ZFHX3: variants seen among roughly 807,000 people sequenced by gnomAD.
The protein encoded by ZFHX3 is zinc finger homeobox 3, also known as zinc finger homeobox protein 3.
Under a neutral mutation model 279.1 loss-of-function variants are expected in ZFHX3, and 42 were observed. The observed-to-expected ratio is 0.15, with a 90% CI of 0.12 to 0.19. The LOEUF is 0.19. Ranked by LOEUF, ZFHX3 falls within the 10% of genes least tolerant of loss-of-function variation. The pLI, the probability that ZFHX3 is intolerant of heterozygous loss-of-function variation, is 1.00. For synonymous variants in ZFHX3, 2,293 were observed against 1,957.8 expected (o/e 1.17, Z -4.52); for missense variants, 4,981 against 4,754.0 (o/e 1.05, Z -1.40).
In ZFHX3 at chr16:73,600,641, C is replaced by T. The variant is rs530896637; in HGVS notation, c.-1547+79539G>A. ...TTCACCATATTAGCCAGAATGGTCT[C>T]GATCTCTTGACCTCGTGATCCGCCC... On this transcript the variant is annotated intron_variant, in intron 2 of 17. Transcript: ENST00000641206. Among the ~76,000 whole-genome samples the T allele has an allele frequency of 9.9e-5, 15 of 152,104 alleles. No individual in the cohort carries two copies. In the East Asian group the frequency reaches 2.5e-3, roughly 26 times the overall value.
At chr16:73,248,602 GTGTA>G (rs757020012) in intron 5 of ZFHX3, among the ~76,000 whole-genome samples, 7 of 150,726 alleles carry the variant, frequency 4.6e-5, no homozygotes, top group African/African-American at 9.8e-5. Context: ...TGTATGTCCT[GTGTA>G]TGTGTCTGTG....
At chr16:73,198,025 C>T (rs1968191332) in intron 5 of ZFHX3, among the ~76,000 whole-genome samples, 4 of 145,352 alleles carry the variant, frequency 2.8e-5, no homozygotes, top group South Asian at 4.4e-4. Context: ...GCAACCTCTG[C>T]CTCCCAGGTT....
chr16:72,960,902 G>T (rs528320968), intron 1 of ZFHX3, among the ~76,000 whole-genome samples: 9 of 152,096 alleles, frequency 5.9e-5, no homozygotes, highest in African/African-American at 2.2e-4. Context: ...AAAACAGAGG[G>T]GCTTCAATCT....
intron 1 of ZFHX3, among the ~76,000 whole-genome samples, chr16:73,724,161 G>C (rs1404564672): frequency 6.6e-6 from 1 of 152,178 alleles, no homozygotes; most frequent in Non-Finnish European, 1.5e-5. Context: ...TTATGAAACA[G>C]GTTGGTGATA....
chr16:72,927,101 G>C (rs1056518642), intron 3 of ZFHX3, among the ~76,000 whole-genome samples: 1 of 152,152 alleles, frequency 6.6e-6, no homozygotes, highest in South Asian at 2.1e-4. Flanking sequence ...TTCACTTTTA[G>C]AATTTGAACA....
chr16:73,200,532 A>G (rs1427407803), intron 5 of ZFHX3, among the ~76,000 whole-genome samples: 1 of 152,232 alleles, frequency 6.6e-6, no homozygotes, highest in Non-Finnish European at 1.5e-5. Context: ...GATCCCTTGA[A>G]GAAGTGTATT....
At chr16:73,139,711 C>T (rs1032912099) in intron 6 of ZFHX3, among the ~76,000 whole-genome samples, 2 of 152,182 alleles carry the variant, frequency 1.3e-5, no homozygotes, top group African/African-American at 4.8e-5. Flanking sequence ...CTACAACAGT[C>T]TAATTTGATA....
At chr16:73,434,806 C>G (rs977362079) in intron 3 of ZFHX3, among the ~76,000 whole-genome samples, 1 of 152,090 alleles carries the variant, frequency 6.6e-6, no homozygotes, top group African/African-American at 2.4e-5. Flanking sequence ...CTAAGTGGGT[C>G]TGACTGAGGT....
intron 3 of ZFHX3, among the ~76,000 whole-genome samples, chr16:72,895,659 A>G (rs1463123712): frequency 6.6e-6 from 1 of 152,128 alleles, no homozygotes. Flanking sequence ...CCGTCTCTAT[A>G]AAAAGAAATA....
chr16:73,663,987 G>A (rs1020331983), intron 2 of ZFHX3, among the ~76,000 whole-genome samples: 1 of 152,194 alleles, frequency 6.6e-6, no homozygotes, highest in African/African-American at 2.4e-5. Flanking sequence ...CACCCATTTA[G>A]AGATGCAGCA....
At chr16:73,618,156 A>G (rs1426217416) in intron 2 of ZFHX3, among the ~76,000 whole-genome samples, 1 of 152,202 alleles carries the variant, frequency 6.6e-6, no homozygotes. Flanking sequence ...AATGATCATT[A>G]TTACAGTATT....
At chr16:73,613,863 G>C (rs1473817312) in intron 2 of ZFHX3, among the ~76,000 whole-genome samples, 1 of 152,184 alleles carries the variant, frequency 6.6e-6, no homozygotes, top group Admixed American at 6.5e-5. Flanking sequence ...GCTGCGGCAG[G>C]GGGAGGGCGC....
chr16:73,672,867 G>A (rs1044935874), intron 2 of ZFHX3, among the ~76,000 whole-genome samples: 3 of 152,010 alleles, frequency 2.0e-5, no homozygotes, highest in South Asian at 2.1e-4. Flanking sequence ...TATTCAAAGC[G>A]ACATTATTTT....
Position 72,783,821 on chromosome 16 carries a change from G to A in ZFHX3, c.*3343C>T, listed in dbSNP as rs3193941. 6.6e-6 allele frequency: 1 copy of A among 151,950 alleles called. No individual in the cohort carries two copies. Among genetic ancestry groups the A allele is most frequent in the South Asian group, 2.1e-4 (1 of 4,826 alleles). 9.4% of individuals were successfully genotyped at this position (151,950 alleles called of 1,614,324 possible). On this transcript the variant is annotated 3_prime_UTR_variant, in exon 10 of 10. Coordinates refer to ENST00000268489, the MANE Select transcript of ZFHX3 (RefSeq NM_006885.4). ...CAGCTACCTACAATGCAGCAGACAGGAATAAATTCCCCAAGTGAGATAAAG... is the reference window on the plus strand; with the variant it reads ...CAGCTACCTACAATGCAGCAGACAGAAATAAATTCCCCAAGTGAGATAAAG...
At chr16:73,654,041 G>A (rs765596914) in intron 2 of ZFHX3, among the ~76,000 whole-genome samples, 49 of 151,872 alleles carry the variant, frequency 3.2e-4, no homozygotes, top group Non-Finnish European at 5.6e-4. Context: ...AAAATTAGCC[G>A]GGCGTGGTGG....
chr16:72,816,538 A>C (rs1430070461), intron 5 of ZFHX3, among the ~76,000 whole-genome samples: 2 of 152,298 alleles, frequency 1.3e-5, no homozygotes, highest in East Asian at 3.9e-4. Flanking sequence ...CTTTCCAGGG[A>C]GTGAGAAAGC....
chr16:73,475,209 T>C (rs938846717), intron 2 of ZFHX3, among the ~76,000 whole-genome samples: 11 of 152,228 alleles, frequency 7.2e-5, no homozygotes, highest in Non-Finnish European at 1.5e-4. Context: ...AATTACGTAA[T>C]TTAAAATATT....
At chr16:73,823,705 T>C (rs186294117) in intron 1 of ZFHX3, among the ~76,000 whole-genome samples, 3 of 152,284 alleles carry the variant, frequency 2.0e-5, no homozygotes, top group Admixed American at 2.0e-4. Flanking sequence ...CCCGCAAAAC[T>C]GAAAATATTC....
chr16:73,815,280 T>C (rs1960536717), intron 1 of ZFHX3, among the ~76,000 whole-genome samples: 1 of 152,328 alleles, frequency 6.6e-6, no homozygotes, highest in East Asian at 1.9e-4. Flanking sequence ...GAGTAGGTGT[T>C]CCTTCTGATC....
Sources: gnomAD v4.1 joint callset for allele counts (sites outside exome capture counted in the v4.1 genomes callset) on GRCh38, gnomAD v4.1.1 for gene constraint, MANE v1.5 for transcripts, NCBI Gene and HGNC (gene_info 2026-07-23, HGNC 2026-07-21) for gene names.